KLHL29: variants seen among roughly 807,000 people sequenced by gnomAD.
The protein encoded by KLHL29 is kelch-like protein 29.
KLHL29 carries 21 observed loss-of-function variants against 80.4 expected under a neutral mutation model. That is an observed-to-expected ratio of 0.26 (90% CI 0.19 to 0.38). KLHL29 has a LOEUF of 0.38. Ranked by LOEUF, KLHL29 falls within the 10% of genes least tolerant of loss-of-function variation. The pLI is 1.00. For synonymous variants in KLHL29, 511 were observed against 526.8 expected (o/e 0.97, Z 0.41); for missense variants, 867 against 1,223.9 (o/e 0.71, Z 4.35).
intron 5 of KLHL29, among the ~76,000 whole-genome samples, chr2:23,646,321 A>G (rs1262139149): frequency 6.6e-6 from 1 of 152,218 alleles, no homozygotes; most frequent in Non-Finnish European, 1.5e-5. Context: ...CTATGAATGC[A>G]GCTATTTCTA....
chr2:23,692,189 A>C (rs1671655387), intron 7 of KLHL29, among the ~76,000 whole-genome samples: 2 of 152,324 alleles, frequency 1.3e-5, no homozygotes, highest in African/African-American at 4.8e-5. Flanking sequence ...TTTGTGGGGA[A>C]AGGCTATGGC....
At chr2:23,693,178 T>A in intron 7 of KLHL29, 91 bp from the exon 8 acceptor site, 1 of 1,434,378 alleles carries the variant, frequency 7.0e-7, no homozygotes, top group Non-Finnish European at 9.3e-7. Context: ...GGGATGTGGG[T>A]TCAGAGAAGG....
At chr2:23,591,568 C>T (rs555470174) in intron 3 of KLHL29, among the ~76,000 whole-genome samples, 9 of 151,862 alleles carry the variant, frequency 5.9e-5, no homozygotes, top group Non-Finnish European at 1.2e-4. Context: ...CAGCCAGTGA[C>T]TACTCTAGGT....
In KLHL29 at chr2:23,436,328, GTGTC is replaced by G. The variant is rs1220877217; in HGVS notation, c.-153-39230_-153-39227del. Among the ~76,000 whole-genome samples the G allele has an allele frequency of 9.7e-4, 132 of 135,748 alleles. 1 individual carries two copies. Among genetic ancestry groups the G allele is most frequent in the Middle Eastern group, 3.7e-3 (1 of 268 alleles). The allele number at this position is 135,748 out of a possible 152,430, so 89.1% of individuals were successfully genotyped here. ...TGTGTGTGTGTGTGTGTGTGTGTGT[GTGTC>G]TCAGCACCAGAGAAGTTTACCTTCA... On this transcript the variant is annotated intron_variant, in intron 1 of 13. Transcript: ENST00000486442.
At chr2:23,597,613 C>T (rs868001917) in intron 3 of KLHL29, among the ~76,000 whole-genome samples, 3 of 151,206 alleles carry the variant, frequency 2.0e-5, no homozygotes, top group African/African-American at 4.9e-5. Context: ...TTAGTAGAGA[C>T]GGGGTTTCAC....
At chr2:23,591,445 C>T (rs114339989) in intron 3 of KLHL29, among the ~76,000 whole-genome samples, 1,576 of 152,042 alleles carry the variant, frequency 0.01, 12 homozygotes, top group Non-Finnish European at 0.015. Flanking sequence ...CTTCTTCCCC[C>T]ACGTGACTCT....
At chr2:23,686,648 G>C (rs1437456581) in intron 6 of KLHL29, among the ~76,000 whole-genome samples, 2 of 152,128 alleles carry the variant, frequency 1.3e-5, no homozygotes, top group African/African-American at 4.8e-5. Context: ...GCCAGTGTCG[G>C]GAGAGCTGGG....
At chr2:23,547,870 G>T (rs1261528767) in intron 2 of KLHL29, among the ~76,000 whole-genome samples, 1 of 152,166 alleles carries the variant, frequency 6.6e-6, no homozygotes, top group Non-Finnish European at 1.5e-5. Flanking sequence ...AGCAATCTCT[G>T]CAGTCTAGGT....
chr2:23,481,486 A>G (rs58383808), intron 2 of KLHL29, among the ~76,000 whole-genome samples: 45,486 of 152,244 alleles, frequency 0.3, 8,030 homozygotes, highest in Admixed American at 0.45. Context: ...CTCCCACCCC[A>G]GTCAGCCCTC....
At chr2:23,661,037 AAAAAAG>A (rs913749026) in intron 5 of KLHL29, among the ~76,000 whole-genome samples, 5 of 150,684 alleles carry the variant, frequency 3.3e-5, no homozygotes, top group Non-Finnish European at 7.4e-5. Flanking sequence ...GTTTCAGAAA[AAAAAAG>A]AGAGAGAGAG....
chr2:23,600,123 C>T (rs1298871055), intron 3 of KLHL29, among the ~76,000 whole-genome samples: 1 of 152,168 alleles, frequency 6.6e-6, no homozygotes, highest in Non-Finnish European at 1.5e-5. Flanking sequence ...GGTGACACTG[C>T]AGTAATTGGA....
intron 3 of KLHL29, among the ~76,000 whole-genome samples, chr2:23,620,107 G>A (rs1404395520): frequency 2.6e-5 from 4 of 152,138 alleles, no homozygotes; most frequent in African/African-American, 9.7e-5. Flanking sequence ...AGCGAGCCTC[G>A]GTGAGGGGGC....
intron 5 of KLHL29, among the ~76,000 whole-genome samples, chr2:23,662,972 C>G (rs1670454298): frequency 6.6e-6 from 1 of 152,226 alleles, no homozygotes; most frequent in African/African-American, 2.4e-5. Context: ...ACCAGTGACT[C>G]TCTGCGCCTC....
intron 2 of KLHL29, among the ~76,000 whole-genome samples, chr2:23,550,527 C>T (rs1221407166): frequency 6.6e-6 from 1 of 152,168 alleles, no homozygotes; most frequent in East Asian, 1.9e-4. Flanking sequence ...GGAGCAATTC[C>T]GCAGCCGTCA....
intron 1 of KLHL29, among the ~76,000 whole-genome samples, chr2:23,407,528 G>A (rs1666763753): frequency 6.6e-6 from 1 of 151,492 alleles, no homozygotes; most frequent in South Asian, 2.1e-4. Context: ...TTGGTATAAT[G>A]TTGGAAATAT....
At chr2:23,629,700 T>C (rs576549514) in intron 3 of KLHL29, among the ~76,000 whole-genome samples, 3 of 152,118 alleles carry the variant, frequency 2.0e-5, no homozygotes, top group African/African-American at 7.2e-5. Context: ...AGCAAAAGTG[T>C]CTCCAAGGTA....
chr2:23,514,689 C>T (rs1255669059), intron 2 of KLHL29, among the ~76,000 whole-genome samples: 2 of 152,266 alleles, frequency 1.3e-5, no homozygotes, highest in South Asian at 2.1e-4. Context: ...TTTGAGGCAC[C>T]GTTAGGAAGA....
At chr2:23,701,461 C>G (rs1672359159) in intron 11 of KLHL29, among the ~76,000 whole-genome samples, 1 of 152,136 alleles carries the variant, frequency 6.6e-6, no homozygotes, top group Admixed American at 6.5e-5. Flanking sequence ...ATCTGTAATC[C>G]CAGCACTTTA....
At chr2:23,702,195 G>A (rs988542525) in intron 11 of KLHL29, among the ~76,000 whole-genome samples, 1 of 152,086 alleles carries the variant, frequency 6.6e-6, no homozygotes, top group African/African-American at 2.4e-5. Flanking sequence ...TGATGATGGG[G>A]TTATGTCCTG....
Sources: gnomAD v4.1 joint callset for allele counts (sites outside exome capture counted in the v4.1 genomes callset) on GRCh38, gnomAD v4.1.1 for gene constraint, MANE v1.5 for transcripts, NCBI Gene and HGNC (gene_info 2026-07-23, HGNC 2026-07-21) for gene names.